KIF6: variants seen among roughly 807,000 people sequenced by gnomAD.
The protein encoded by KIF6 is kinesin-like protein KIF6.
A neutral mutation model predicts 112.7 loss-of-function variants in KIF6; 106 were observed. The ratio of observed to expected loss-of-function variants is 0.94; its 90% confidence interval spans 0.80 to 1.11. The LOEUF is 1.11. Ranked by LOEUF, KIF6 falls within the 50% of genes least tolerant of loss-of-function variation. The pLI, the probability that KIF6 is intolerant of heterozygous loss-of-function variation, is 0.00. For synonymous variants in KIF6, 339 were observed against 339.9 expected, an observed-to-expected ratio of 1.00 and a Z score of 0.03; for missense variants, 929 against 964.0, an observed-to-expected ratio of 0.96 and a Z score of 0.48.
chr6:39,515,662 G>A (rs999203057), intron 13 of KIF6, among the ~76,000 whole-genome samples: 1 of 152,146 alleles, frequency 6.6e-6, no homozygotes, highest in African/African-American at 2.4e-5. Context: ...TCATCACAAA[G>A]CCACATAGGA....
intron 14 of KIF6, among the ~76,000 whole-genome samples, chr6:39,426,783 T>C (rs1055843258): frequency 6.6e-6 from 1 of 151,818 alleles, no homozygotes; most frequent in East Asian, 1.9e-4. Flanking sequence ...ATGAAGGGGA[T>C]GGGGGAACCA....
At chr6:39,466,554 T>C (rs1773795463) in intron 13 of KIF6, among the ~76,000 whole-genome samples, 1 of 152,186 alleles carries the variant, frequency 6.6e-6, no homozygotes, top group Non-Finnish European at 1.5e-5. Flanking sequence ...AAGAGTCCAT[T>C]GGCATTTGAG....
chr6:39,568,653 T>C (rs1367047568), intron 10 of KIF6, among the ~76,000 whole-genome samples: 1 of 151,912 alleles, frequency 6.6e-6, no homozygotes, highest in Non-Finnish European at 1.5e-5. Flanking sequence ...CGGGTTTCAG[T>C]AATTCTCCTG....
intron 19 of KIF6, among the ~76,000 whole-genome samples, chr6:39,349,544 G>T (rs1212670616): frequency 6.6e-6 from 1 of 151,870 alleles, no homozygotes; most frequent in Non-Finnish European, 1.5e-5. Context: ...GAGGGAAGGA[G>T]GCAGGCAGAG....
rs58169713 is a variant in KIF6, at chr6:39,590,451, ATT to A, written c.847-4049_847-4048del. Among the ~76,000 whole-genome samples, 543 of 84,730 alleles carry A rather than the reference ATT, an allele frequency of 6.4e-3. 4 individuals are homozygous for A. Among genetic ancestry groups the A allele is most frequent in the African/African-American group, 0.026 (511 of 19,670 alleles). 55.6% of individuals were successfully genotyped at this position (84,730 alleles called of 152,430 possible). ...TGTGTATATATATATATATATATAT[ATT>A]TTTTTTTTTTTTTTGAGATGGAGGT... On this transcript the variant is annotated intron_variant, in intron 7 of 22. Coordinates refer to ENST00000287152, the MANE Select transcript of KIF6 (RefSeq NM_145027.6).
In KIF6 at chr6:39,411,939, T is replaced by A. The variant is rs186370663; in HGVS notation, c.1810+8009A>T. On this transcript the variant is annotated intron_variant, in intron 15 of 22. Transcript: ENST00000287152. ...ACATCCACCATGGTAAATAAATAAG[T>A]TGTCCCCCTGATTTGCAGTCCATTT... 2.6e-3 allele frequency among the ~76,000 whole-genome samples: 393 copies of A among 152,312 alleles called. 1 individual carries two copies. The highest frequency in any genetic ancestry group is 9.1e-3 in the African/African-American group (377 of 41,552).
intron 13 of KIF6, among the ~76,000 whole-genome samples, chr6:39,468,572 T>C (rs1223044889): frequency 6.6e-6 from 1 of 152,100 alleles, no homozygotes; most frequent in Non-Finnish European, 1.5e-5. Context: ...CACACTGAAA[T>C]ACTGATGAAG....
chr6:39,457,560 C>A (rs1301103842), intron 13 of KIF6, among the ~76,000 whole-genome samples: 2 of 151,286 alleles, frequency 1.3e-5, no homozygotes, highest in Non-Finnish European at 2.9e-5. Flanking sequence ...AAAAACCCTT[C>A]AAAAAATCAA....
intron 13 of KIF6, among the ~76,000 whole-genome samples, chr6:39,499,365 T>C (rs1775976273): frequency 6.6e-6 from 1 of 150,770 alleles, no homozygotes; most frequent in Non-Finnish European, 1.5e-5. Flanking sequence ...GGAGAAAAGG[T>C]ATTATAAGAA....
At chr6:39,564,493 TGAGATCA>T (rs1780177011) in intron 10 of KIF6, among the ~76,000 whole-genome samples, 1 of 152,194 alleles carries the variant, frequency 6.6e-6, no homozygotes, top group Non-Finnish European at 1.5e-5. Flanking sequence ...CAGGGCAGGC[TGAGATCA>T]GTCCTTGGGC....
intron 15 of KIF6, among the ~76,000 whole-genome samples, chr6:39,386,627 G>A (rs1767443660): frequency 6.6e-6 from 1 of 152,002 alleles, no homozygotes; most frequent in Non-Finnish European, 1.5e-5. Flanking sequence ...TTCCTGAAAG[G>A]GTTCAAGCAG....
intron 3 of KIF6, among the ~76,000 whole-genome samples, chr6:39,689,080 T>C (rs1788032031): frequency 6.6e-6 from 1 of 151,880 alleles, no homozygotes; most frequent in Non-Finnish European, 1.5e-5. Context: ...ATTGCATCAC[T>C]GCACTCTAGC....
At chr6:39,666,774 A>G (rs900487877) in intron 3 of KIF6, among the ~76,000 whole-genome samples, 4 of 152,096 alleles carry the variant, frequency 2.6e-5, no homozygotes, top group African/African-American at 9.7e-5. Context: ...GATTTCTTGC[A>G]TTTTTCGCCT....
chr6:39,710,745 C>G (rs1789499705), intron 3 of KIF6, among the ~76,000 whole-genome samples: 1 of 152,048 alleles, frequency 6.6e-6, no homozygotes, highest in Non-Finnish European at 1.5e-5. Flanking sequence ...GATAGGACTG[C>G]AAGGTCCAGA....
chr6:39,577,499 T>C (rs1781036448), intron 10 of KIF6, among the ~76,000 whole-genome samples: 1 of 152,222 alleles, frequency 6.6e-6, no homozygotes, highest in Non-Finnish European at 1.5e-5. Context: ...AGAGCCACAT[T>C]GCACCACTGA....
At chr6:39,537,752 T>C (rs1020326168) in intron 13 of KIF6, among the ~76,000 whole-genome samples, 2 of 152,170 alleles carry the variant, frequency 1.3e-5, no homozygotes, top group Non-Finnish European at 2.9e-5. Context: ...AGAGCCCGCA[T>C]CACCAAGTCA....
chr6:39,536,874 A>T (rs1333599906), intron 13 of KIF6, among the ~76,000 whole-genome samples: 1 of 152,214 alleles, frequency 6.6e-6, no homozygotes, highest in Non-Finnish European at 1.5e-5. Flanking sequence ...ACCATGATCG[A>T]GTGGGCTTCA....
chr6:39,351,761 G>T (rs1400261608), intron 19 of KIF6, among the ~76,000 whole-genome samples: 1 of 152,198 alleles, frequency 6.6e-6, no homozygotes, highest in African/African-American at 2.4e-5. Flanking sequence ...AGAGGGTACA[G>T]AAATAGCCAG....
chr6:39,475,474 C>T (rs1327812600), intron 13 of KIF6, among the ~76,000 whole-genome samples: 1 of 152,080 alleles, frequency 6.6e-6, no homozygotes, highest in African/African-American at 2.4e-5. Context: ...AAGTAGAGTC[C>T]CCATTCACAT....
Sources: gnomAD v4.1 joint callset for allele counts (sites outside exome capture counted in the v4.1 genomes callset) on GRCh38, gnomAD v4.1.1 for gene constraint, MANE v1.5 for transcripts, NCBI Gene and HGNC (gene_info 2026-07-23, HGNC 2026-07-21) for gene names.